BAIAP2L1: variants seen among roughly 807,000 people sequenced by gnomAD.
The protein encoded by BAIAP2L1 is BAR/IMD domain-containing adapter protein 2-like 1.
Under a neutral mutation model 66.3 loss-of-function variants are expected in BAIAP2L1, and 35 were observed. That is an observed-to-expected ratio of 0.53 (90% CI 0.40 to 0.70). The LOEUF (loss-of-function observed/expected upper bound fraction) is 0.70, where lower values mean the gene tolerates loss of function less well. BAIAP2L1 is among the 30% of genes least tolerant of loss of function. The probability of loss-of-function intolerance (pLI) is 0.00; values close to 1 mark genes in which losing one functional copy is unlikely to be tolerated. For missense variants in BAIAP2L1, 622 were observed against 656.9 expected (o/e 0.95, Z 0.58); for synonymous variants, 269 against 248.7 (o/e 1.08, Z -0.77).
At chr7:98,391,087 C>T (rs1172056539) in intron 1 of BAIAP2L1, among the ~76,000 whole-genome samples, 2 of 151,520 alleles carry the variant, frequency 1.3e-5, no homozygotes, top group African/African-American at 4.8e-5. Context: ...CATGATCTGC[C>T]CGCCTCGGCC....
rs190501090 is a variant in BAIAP2L1 at position 98,332,276 on chromosome 7, G to A, written c.215-11978C>T. Among the ~76,000 whole-genome samples, 203 of 148,484 alleles carry A rather than the reference G, an allele frequency of 1.4e-3. 4 individuals are homozygous for A. The highest frequency in any genetic ancestry group is 9.8e-3 in the East Asian group (49 of 5,000). ...CGCACACCTGTAATCCCAGCTACTC[G>A]GGAGGCTGAGGCAGGAGAATTGCTT... On this transcript the variant is annotated intron_variant, in intron 3 of 13. Transcript: ENST00000005260.
intron 2 of BAIAP2L1, among the ~76,000 whole-genome samples, chr7:98,357,446 A>G (rs1264980223): frequency 6.6e-6 from 1 of 151,250 alleles, no homozygotes; most frequent in African/African-American, 2.4e-5. Flanking sequence ...ACATGCTTGT[A>G]ATCCCAGCTA....
intron 3 of BAIAP2L1, among the ~76,000 whole-genome samples, chr7:98,350,270 G>T (rs1191591268): frequency 1.3e-5 from 2 of 151,948 alleles, no homozygotes; most frequent in Non-Finnish European, 2.9e-5. Flanking sequence ...CTGCTGACCA[G>T]ACCATTCAGG....
intron 3 of BAIAP2L1, among the ~76,000 whole-genome samples, chr7:98,353,652 A>T (rs950476519): frequency 1.6e-4 from 23 of 140,280 alleles, no homozygotes; most frequent in African/African-American, 5.5e-4. Context: ...TATTATATAT[A>T]TTTTTATATA....
intron 1 of BAIAP2L1, among the ~76,000 whole-genome samples, chr7:98,383,558 A>C (rs531393945): frequency 6.6e-6 from 1 of 152,038 alleles, no homozygotes; most frequent in South Asian, 2.1e-4. Context: ...AAGTGCTGGG[A>C]TTACAGGCGT....
At chr7:98,335,381 T>C (rs998357645) in intron 3 of BAIAP2L1, among the ~76,000 whole-genome samples, 3 of 152,074 alleles carry the variant, frequency 2.0e-5, no homozygotes, top group African/African-American at 4.8e-5. Flanking sequence ...TGAAATCCTA[T>C]AGGCTTTGTA....
chr7:98,311,070 G>A (rs1800852065), intron 8 of BAIAP2L1, among the ~76,000 whole-genome samples: 1 of 152,104 alleles, frequency 6.6e-6, no homozygotes, highest in South Asian at 2.1e-4. Context: ...ACAGAGCCCA[G>A]GTTCAAAGAT....
intron 1 of BAIAP2L1, among the ~76,000 whole-genome samples, chr7:98,395,478 G>A (rs1389552903): frequency 2.6e-5 from 4 of 151,566 alleles, no homozygotes; most frequent in African/African-American, 7.3e-5. Flanking sequence ...TACCCTTGGA[G>A]GGGTGCAGCG....
At chr7:98,340,959 G>GTTTTTTTTTTT (rs72057720) in intron 3 of BAIAP2L1, among the ~76,000 whole-genome samples, 1 of 129,566 alleles carries the variant, frequency 7.7e-6, no homozygotes, top group Non-Finnish European at 1.6e-5. Context: ...CAGCTAATTG[G>GTTTTTTTTTTT]TTTTTTTTTT....
intron 1 of BAIAP2L1, among the ~76,000 whole-genome samples, chr7:98,382,649 T>G (rs114289670): frequency 0.02 from 2,995 of 152,252 alleles, 103 homozygotes; most frequent in African/African-American, 0.069. Flanking sequence ...TAACTCTATA[T>G]AGTTATGTTT....
chr7:98,311,755 A>C (rs186340598), intron 8 of BAIAP2L1, among the ~76,000 whole-genome samples: 2 of 151,964 alleles, frequency 1.3e-5, no homozygotes, highest in Non-Finnish European at 2.9e-5. Context: ...ATAATACAAA[A>C]ATTAGCCAGG....
At chr7:98,355,255 G>T (rs1427154915) in intron 2 of BAIAP2L1, 127 bp from the exon 3 acceptor site, 2 of 696,320 alleles carry the variant, frequency 2.9e-6, no homozygotes, top group Non-Finnish European at 5.2e-6. Flanking sequence ...GGCAGGTGTG[G>T]CTCTCAGGAG....
chr7:98,344,294 G>T (rs1220476322), intron 3 of BAIAP2L1, among the ~76,000 whole-genome samples: 3 of 152,186 alleles, frequency 2.0e-5, no homozygotes, highest in African/African-American at 7.2e-5. Flanking sequence ...AAATGAAATT[G>T]AAAGGTTTCA....
intron 12 of BAIAP2L1, 79 bp downstream of exon 12, chr7:98,304,116 GC>G: frequency 7.1e-7 from 1 of 1,407,012 alleles, no homozygotes; most frequent in Non-Finnish European, 9.4e-7. Flanking sequence ...GCAGAGCAAG[GC>G]GGTCACCACA....
At chr7:98,390,572 C>CA (rs1341894391) in intron 1 of BAIAP2L1, among the ~76,000 whole-genome samples, 4 of 151,564 alleles carry the variant, frequency 2.6e-5, no homozygotes, top group Non-Finnish European at 4.4e-5. Context: ...ATTAAAAATA[C>CA]AAAAACAAAA....
chr7:98,323,632 G>A (rs1019006719), intron 3 of BAIAP2L1, among the ~76,000 whole-genome samples: 3 of 152,202 alleles, frequency 2.0e-5, no homozygotes, highest in African/African-American at 7.2e-5. Context: ...GGGCCTCTGG[G>A]CACGCTCCAT....
At chr7:98,299,350 G>T (rs918503512) in intron 12 of BAIAP2L1, among the ~76,000 whole-genome samples, 1 of 151,526 alleles carries the variant, frequency 6.6e-6, no homozygotes, top group Non-Finnish European at 1.5e-5. Flanking sequence ...TATAGACGAG[G>T]TCCCACTATA....
Position 98,293,345 on chromosome 7 carries a change from A to T in BAIAP2L1, c.*176T>A. The T allele has an allele frequency of 1.7e-6, 1 of 590,440 alleles. No homozygotes were observed. Among genetic ancestry groups the T allele is most frequent in the South Asian group, 2.3e-5 (1 of 44,092 alleles). 36.6% of individuals were successfully genotyped at this position (590,440 alleles called of 1,614,324 possible). A position where few individuals can be genotyped will look rare whatever the true frequency, so the allele number is the denominator to read the frequency against. On this transcript the variant is annotated 3_prime_UTR_variant, in exon 14 of 14. Coordinates refer to ENST00000005260, the MANE Select transcript of BAIAP2L1 (RefSeq NM_018842.5). Reference sequence around the variant, plus strand: ...ACTATTACTCATTTATCTTAAAGGCAGAAACTTGTCAACCCAACTACGTGA... The same window carrying T: ...ACTATTACTCATTTATCTTAAAGGCTGAAACTTGTCAACCCAACTACGTGA...
chr7:98,362,563 AT>A, intron 1 of BAIAP2L1, 131 bp from the exon 2 acceptor site: 1 of 695,848 alleles, frequency 1.4e-6, no homozygotes, highest in Non-Finnish European at 2.4e-6. Flanking sequence ...ATGAATGCTG[AT>A]GTAAAAATAA....
Sources: gnomAD v4.1 joint callset for allele counts (sites outside exome capture counted in the v4.1 genomes callset) on GRCh38, gnomAD v4.1.1 for gene constraint, MANE v1.5 for transcripts, NCBI Gene and HGNC (gene_info 2026-07-23, HGNC 2026-07-21) for gene names.